DNAH7: variants seen among roughly 807,000 people sequenced by gnomAD.
DNAH7 encodes dynein axonemal heavy chain 7.
In DNAH7, 397 loss-of-function variants were observed where a neutral mutation model predicts 444.6. That is an observed-to-expected ratio of 0.89 (90% CI 0.82 to 0.97). DNAH7 has a LOEUF of 0.97. DNAH7 is among the 50% of genes least tolerant of loss of function. The pLI is 0.00. For missense variants in DNAH7, 4,902 were observed against 4,800.8 expected, an observed-to-expected ratio of 1.02 and a Z score of -0.62; for synonymous variants, 1,636 against 1,624.4, an observed-to-expected ratio of 1.01 and a Z score of -0.17.
intron 58 of DNAH7, among the ~76,000 whole-genome samples, chr2:195,785,587 CTT>C (rs56028042): frequency 1.4e-4 from 16 of 114,530 alleles, no homozygotes; most frequent in Non-Finnish European, 1.5e-4. Flanking sequence ...TTACTGAGAG[CTT>C]TTTTTTTTTT....
intron 12 of DNAH7, chr2:195,999,254 A>G (rs560775063): frequency 2.8e-6 from 2 of 713,768 alleles, no homozygotes; most frequent in African/African-American, 1.8e-5. Flanking sequence ...TGTAGAGGAA[A>G]AAAACAAAAG....
At chr2:195,850,217 T>TCAAGC (rs1699270476) in intron 46 of DNAH7, among the ~76,000 whole-genome samples, 1 of 151,324 alleles carries the variant, frequency 6.6e-6, no homozygotes, top group Non-Finnish European at 1.5e-5. Context: ...ATCTCAAAAT[T>TCAAGC]CAAGCCAATG....
intron 4 of DNAH7, 137 bp downstream of exon 4, chr2:196,048,159 T>C (rs1697248625): frequency 5.1e-6 from 3 of 593,076 alleles, no homozygotes; most frequent in South Asian, 6.9e-5. Flanking sequence ...TGAGGGAAGA[T>C]GTATTGGGAA....
intron 35 of DNAH7, among the ~76,000 whole-genome samples, chr2:195,883,508 T>C (rs1315960001): frequency 2.0e-5 from 3 of 148,666 alleles, no homozygotes; most frequent in Non-Finnish European, 4.5e-5. Flanking sequence ...ATTTAGAGGT[T>C]GTGTGATGCT....
At chr2:195,891,026 A>G (rs2125223111) in intron 31 of DNAH7, among the ~76,000 whole-genome samples, 1 of 152,320 alleles carries the variant, frequency 6.6e-6, no homozygotes, top group South Asian at 2.1e-4. Context: ...TATGGCAACC[A>G]AGTTAATATG....
At chr2:195,964,569 A>G (rs1691336418) in intron 17 of DNAH7, among the ~76,000 whole-genome samples, 1 of 145,410 alleles carries the variant, frequency 6.9e-6, no homozygotes. Flanking sequence ...CATTTTTCCA[A>G]CTACAAGATC....
chr2:195,756,727 C>T (rs1407595876), intron 61 of DNAH7, among the ~76,000 whole-genome samples: 1 of 152,144 alleles, frequency 6.6e-6, no homozygotes, highest in Non-Finnish European at 1.5e-5. Context: ...GGCAAGGTGG[C>T]TCATGCCTGT....
At chr2:195,934,858 G>A (rs181614826) in intron 20 of DNAH7, 69 bp from the exon 21 acceptor site, 51 of 1,527,532 alleles carry the variant, frequency 3.3e-5, no homozygotes, top group African/African-American at 8.3e-5. Context: ...AGAGTTCTTC[G>A]TTTAAAGTTC....
intron 8 of DNAH7, among the ~76,000 whole-genome samples, chr2:196,022,990 C>T (rs1048911449): frequency 2.0e-5 from 3 of 152,168 alleles, no homozygotes; most frequent in African/African-American, 7.2e-5. Flanking sequence ...GATCCCAACA[C>T]CCAGGTGCCA....
intron 63 of DNAH7, among the ~76,000 whole-genome samples, chr2:195,748,045 G>C (rs1693536692): frequency 6.6e-6 from 1 of 152,158 alleles, no homozygotes; most frequent in African/African-American, 2.4e-5. Context: ...AAGTGAAATT[G>C]TCCCTGTTTG....
intron 6 of DNAH7, among the ~76,000 whole-genome samples, chr2:196,027,164 G>A (rs745925593): frequency 6.6e-6 from 1 of 151,996 alleles, no homozygotes; most frequent in Non-Finnish European, 1.5e-5. Flanking sequence ...TAACTATACT[G>A]TAAAACATCA....
At chr2:195,939,281 G>A (rs921006916) in intron 19 of DNAH7, among the ~76,000 whole-genome samples, 5 of 152,022 alleles carry the variant, frequency 3.3e-5, no homozygotes, top group Admixed American at 2.6e-4. Context: ...ATGTTTTATG[G>A]AGTTAAAATG....
chr2:196,056,747 T>G (rs1697833434), intron 2 of DNAH7, among the ~76,000 whole-genome samples: 1 of 152,208 alleles, frequency 6.6e-6, no homozygotes, highest in African/African-American at 2.4e-5. Flanking sequence ...TTCCTACTTT[T>G]ACTCTCCTCA....
Position 195,855,999 on chromosome 2 carries a change from A to C in DNAH7, c.8415-8T>G. On this transcript the variant is annotated splice_polypyrimidine_tract_variant and splice_region_variant and intron_variant, in intron 44 of 64. Transcript: ENST00000312428. ...GCTACTATTTTTGCCACTCTGCAAA[A>C]AGTAAAATTGAAAAATTAAATATTC... 1 of 1,600,992 alleles carries C rather than the reference A, an allele frequency of 6.2e-7. No individual in the cohort carries two copies. Among genetic ancestry groups the C allele is most frequent in the Non-Finnish European group, 8.5e-7 (1 of 1,175,062 alleles).
chr2:195,816,052 A>T (rs1272384830), intron 51 of DNAH7, among the ~76,000 whole-genome samples: 1 of 152,222 alleles, frequency 6.6e-6, no homozygotes, highest in Non-Finnish European at 1.5e-5. Context: ...TATCTAACTG[A>T]TTTTAAAAAA....
intron 52 of DNAH7, among the ~76,000 whole-genome samples, 173 bp from the exon 53 acceptor site, chr2:195,809,049 CATG>C (rs1444438153): frequency 6.6e-6 from 1 of 152,202 alleles, no homozygotes; most frequent in East Asian, 1.9e-4. Context: ...CCAGTATACT[CATG>C]ATAACCAGTT....
At chr2:196,022,981 A>G (rs1439356546) in intron 8 of DNAH7, among the ~76,000 whole-genome samples, 1 of 152,138 alleles carries the variant, frequency 6.6e-6, no homozygotes, top group East Asian at 1.9e-4. Context: ...GGAACAGTTG[A>G]TCCCAACACC....
At chr2:195,766,330 T>C (rs1028083061) in intron 61 of DNAH7, among the ~76,000 whole-genome samples, 9 of 151,660 alleles carry the variant, frequency 5.9e-5, no homozygotes, top group African/African-American at 2.2e-4. Flanking sequence ...TCTCCCACCA[T>C]GCCAATTTTT....
intron 15 of DNAH7, among the ~76,000 whole-genome samples, chr2:195,980,061 C>CCAAAA (rs1692463665): frequency 1.3e-5 from 1 of 75,062 alleles, no homozygotes; most frequent in Non-Finnish European, 2.7e-5. Flanking sequence ...CAAACTAATA[C>CCAAAA]AAAAAAAAAA....
Sources: gnomAD v4.1 joint callset for allele counts (sites outside exome capture counted in the v4.1 genomes callset) on GRCh38, gnomAD v4.1.1 for gene constraint, MANE v1.5 for transcripts, NCBI Gene and HGNC (gene_info 2026-07-23, HGNC 2026-07-21) for gene names.